The following STK17B variants were observed in gnomAD, a reference collection of about 807,000 sequenced individuals.
STK17B encodes serine/threonine-protein kinase 17B.
A neutral mutation model predicts 42.0 loss-of-function variants in STK17B; 21 were observed. The ratio of observed to expected loss-of-function variants is 0.50; its 90% confidence interval spans 0.35 to 0.72. STK17B has a LOEUF of 0.72. Among genes scored for constraint, STK17B ranks in the 30% least tolerant of loss-of-function variants. STK17B has a pLI of 0.00. For synonymous variants in STK17B, 143 were observed against 148.4 expected, an observed-to-expected ratio of 0.96 and a Z score of 0.26; for missense variants, 349 against 446.0, an observed-to-expected ratio of 0.78 and a Z score of 1.96.
At chr2:196,147,177 A>G (rs960021194) in intron 3 of STK17B, among the ~76,000 whole-genome samples, 6 of 152,210 alleles carry the variant, frequency 3.9e-5, no homozygotes, top group African/African-American at 1.4e-4. Flanking sequence ...TTATTCATCA[A>G]ATTTGTAAGG....
At chr2:196,167,347 G>A (rs189546971) in intron 1 of STK17B, among the ~76,000 whole-genome samples, 1 of 152,268 alleles carries the variant, frequency 6.6e-6, no homozygotes, top group East Asian at 1.9e-4. Context: ...CACCCGGTAG[G>A]AATTTTAAAA....
In STK17B at chr2:196,165,942, T is replaced by G. The variant is rs374117645; in HGVS notation, c.-44-2515A>C. On this transcript the variant is annotated intron_variant, in intron 1 of 7. Coordinates refer to ENST00000263955, the MANE Select transcript of STK17B (RefSeq NM_004226.4). ...TCCCAACTTAGTCTAAACTTCATTC[T>G]TAAAAGTATTTTTGTTTTCTGTTTT... Among the ~76,000 whole-genome samples, 41 of 152,390 alleles carry G rather than the reference T, an allele frequency of 2.7e-4. No individual in the cohort carries two copies. The East Asian group carries it at 7.1e-3, about 26-fold the overall frequency.
chr2:196,144,276 G>T (rs1276715361), intron 4 of STK17B, among the ~76,000 whole-genome samples: 1 of 151,678 alleles, frequency 6.6e-6, no homozygotes. Context: ...AGATCACGAG[G>T]TCAGGAGATC....
intron 6 of STK17B, among the ~76,000 whole-genome samples, chr2:196,140,904 G>A (rs1358433413): frequency 6.6e-6 from 1 of 152,124 alleles, no homozygotes; most frequent in Non-Finnish European, 1.5e-5. Context: ...TTTGTGAGGT[G>A]GAGCCCGGCA....
intron 2 of STK17B, among the ~76,000 whole-genome samples, chr2:196,160,681 T>G (rs1284599803): frequency 6.6e-6 from 1 of 152,198 alleles, no homozygotes; most frequent in Non-Finnish European, 1.5e-5. Flanking sequence ...GATCTAATAA[T>G]TAAACATATC....
chr2:196,137,806 A>G, intron 7 of STK17B, 77 bp from the exon 8 acceptor site: 1 of 1,477,610 alleles, frequency 6.8e-7, no homozygotes, highest in East Asian at 2.3e-5. Flanking sequence ...TAGATTATAG[A>G]CATATTTTTT....
intron 6 of STK17B, among the ~76,000 whole-genome samples, chr2:196,140,577 C>CTTTTTTTTTTTTTTTTTTTTT (rs58205758): frequency 9.9e-6 from 1 of 101,478 alleles, no homozygotes; most frequent in Non-Finnish European, 1.9e-5. Context: ...CTTCTTCTAG[C>CTTTTTTTTTTTTTTTTTTTTT]TTTTTTTTTT....
intron 2 of STK17B, among the ~76,000 whole-genome samples, chr2:196,163,019 C>A (rs1221924765): frequency 6.6e-6 from 1 of 152,186 alleles, no homozygotes; most frequent in Non-Finnish European, 1.5e-5. Flanking sequence ...CCTCATGTAA[C>A]GACAGAGACC....
intron 5 of STK17B, 43 bp from the exon 6 acceptor site, chr2:196,141,340 T>C (rs1699490926): frequency 6.7e-7 from 1 of 1,490,296 alleles, no homozygotes; most frequent in Non-Finnish European, 9.2e-7. Flanking sequence ...TGACAAATTT[T>C]AAAACAAGAA....
At chr2:196,152,763 A>G (rs558192139) in intron 3 of STK17B, among the ~76,000 whole-genome samples, 39 of 152,328 alleles carry the variant, frequency 2.6e-4, no homozygotes, top group Non-Finnish European at 4.7e-4. Context: ...TATTAAATAT[A>G]TACAAGTTTG....
upstream of STK17B, among the ~76,000 whole-genome samples, chr2:196,175,265 A>G (rs548308463): frequency 1.3e-5 from 2 of 152,200 alleles, no homozygotes; most frequent in Non-Finnish European, 2.9e-5. Flanking sequence ...CTTGATCTGT[A>G]TTTAGATTTC....
intron 3 of STK17B, among the ~76,000 whole-genome samples, chr2:196,146,700 T>C (rs1187085743): frequency 1.3e-5 from 2 of 152,110 alleles, no homozygotes. Context: ...TTCATATATA[T>C]ACATATGTTT....
chr2:196,163,330 A>G lies in STK17B; in HGVS notation c.54T>C (p.Thr18=), dbSNP rs1293400410. 2.5e-6 allele frequency: 4 copies of G among 1,605,912 alleles called. No homozygotes were observed. The African/African-American group carries it at 5.4e-5, about 22-fold the overall frequency. The change falls in exon 2 of 8, where the codon ACT becomes ACC. Residue 18 remains threonine, a synonymous_variant. Coordinates refer to ENST00000263955, the MANE Select transcript of STK17B (RefSeq NM_004226.4). Reference sequence around the variant, plus strand: ...TTTCCATTTTTATTGGAATTTGAGGAGTTGTAGTTAGTAGGCCTGAAATAC... The same window carrying G: ...TTTCCATTTTTATTGGAATTTGAGGGGTTGTAGTTAGTAGGCCTGAAATAC... ...CRSISGLLTT[T]PQIPIKMENF... is the part of the protein sequence containing the mutation.
upstream of STK17B, among the ~76,000 whole-genome samples, chr2:196,173,775 A>G (rs1003218782): frequency 6.6e-6 from 1 of 152,172 alleles, no homozygotes; most frequent in African/African-American, 2.4e-5. Flanking sequence ...CTTGAATGAC[A>G]CATTCCGACC....
intron 1 of STK17B, chr2:196,170,869 G>A (rs1008189422): frequency 6.6e-6 from 1 of 152,262 alleles, no homozygotes; most frequent in African/African-American, 2.4e-5. Context: ...AGCAGGACGC[G>A]TCCACGAGTC....
In STK17B at chr2:196,156,422, A is replaced by G; in HGVS notation, c.335+17T>C. On this transcript the variant is annotated intron_variant, in intron 3 of 7. Coordinates refer to ENST00000263955, the MANE Select transcript of STK17B (RefSeq NM_004226.4). ...TTTCATACCAACTAAAATAGGTACT[A>G]TTTAGTATATACTTACTATTCCAAT... 1 of 1,558,644 alleles carries G rather than the reference A, an allele frequency of 6.4e-7. No individual in the cohort carries two copies. The highest frequency in any genetic ancestry group is 8.8e-7 in the Non-Finnish European group (1 of 1,136,616).
At position 196,137,498 on chromosome 2, in the gene STK17B, G is replaced by T; in HGVS notation, c.1068C>A (p.Phe356Leu). ...CATGGGGATTGGGTAATGAGTCATC[G>T]AAACGAAATCTTTTGGAAACCATGC... ...DSSMVSKRFR[F>L]DDSLPNPHEL... Residue 356 changes from phenylalanine to leucine, a missense_variant, in exon 8 of 8, where the codon TTC becomes TTA. Around this residue, in one of 3 missense-constraint regions of STK17B, gnomAD observed 87 missense variants for 78.8 expected, o/e 1.10. Transcript: ENST00000263955. 1 of 1,614,090 alleles carries T rather than the reference G, an allele frequency of 6.2e-7. No individual in the cohort carries two copies. Among genetic ancestry groups the T allele is most frequent in the Non-Finnish European group, 8.5e-7 (1 of 1,179,984 alleles).
rs1463997993 is a variant in STK17B, at chr2:196,137,369, A to G, written c.*78T>C. The G allele has an allele frequency of 3.5e-5, 50 of 1,432,246 alleles. No individual in the cohort carries two copies. The highest frequency in any genetic ancestry group is 3.8e-5 in the Non-Finnish European group (40 of 1,057,190). 88.7% of individuals were successfully genotyped at this position (1,432,246 alleles called of 1,614,324 possible). A position where few individuals can be genotyped will look rare whatever the true frequency, so the allele number is the denominator to read the frequency against. The stretch of plus-strand genomic sequence containing the variant: ...CATTTACAATATAAACATGTCATAT[A>G]TGAAGCTACAAATCATAATCTCACT... On this transcript the variant is annotated 3_prime_UTR_variant, in exon 8 of 8. Transcript: ENST00000263955.
chr2:196,144,511 A>C (rs1338163741), intron 4 of STK17B, among the ~76,000 whole-genome samples: 24 of 144,690 alleles, frequency 1.7e-4, no homozygotes, highest in African/African-American at 2.2e-4. Context: ...AAAAAAAAAA[A>C]AAAAAAAAAA....
Sources: gnomAD v4.1 joint callset for allele counts (sites outside exome capture counted in the v4.1 genomes callset) on GRCh38, gnomAD v4.1.1 for gene constraint, gnomAD v4.1.1 regional missense constraint, MANE v1.5 for transcripts, NCBI Gene and HGNC (gene_info 2026-07-23, HGNC 2026-07-21) for gene names.